MGRN1: variants seen among roughly 807,000 people sequenced by gnomAD.
MGRN1 encodes mahogunin ring finger 1.
A neutral mutation model predicts 69.2 loss-of-function variants in MGRN1; 29 were observed. That is an observed-to-expected ratio of 0.42 (90% CI 0.31 to 0.57). The LOEUF is 0.57. Ranked by LOEUF, MGRN1 falls within the 20% of genes least tolerant of loss-of-function variation. The probability of loss-of-function intolerance (pLI) is 0.15; values close to 1 mark genes in which losing one functional copy is unlikely to be tolerated. For missense variants in MGRN1, 998 were observed against 796.2 expected (o/e 1.25, Z -3.05); for synonymous variants, 470 against 344.2 (o/e 1.37, Z -4.04).
intron 8 of MGRN1, among the ~76,000 whole-genome samples, chr16:4,670,299 G>C (rs1050784789): frequency 6.6e-6 from 1 of 152,220 alleles, no homozygotes; most frequent in African/African-American, 2.4e-5. Flanking sequence ...CTGGAGTGCA[G>C]TGGCATGATC....
chr16:4,663,178 C>T (rs945932223), intron 5 of MGRN1, among the ~76,000 whole-genome samples: 1 of 152,124 alleles, frequency 6.6e-6, no homozygotes, highest in Non-Finnish European at 1.5e-5. Flanking sequence ...ATTCTCCTAC[C>T]TCAGCCTCCC....
chr16:4,644,641 A>G (rs919709637), intron 1 of MGRN1, among the ~76,000 whole-genome samples: 14 of 152,216 alleles, frequency 9.2e-5, no homozygotes, highest in African/African-American at 3.4e-4. Context: ...CCTTGATAAC[A>G]TCAATTAGAT....
intron 16 of MGRN1, among the ~76,000 whole-genome samples, chr16:4,685,104 C>G (rs2079278908): frequency 6.6e-6 from 1 of 152,268 alleles, no homozygotes; most frequent in South Asian, 2.1e-4. Context: ...CCGAACAACT[C>G]ACAGCAGAAG....
chr16:4,630,079 CA>C (rs1452032681), intron 1 of MGRN1, among the ~76,000 whole-genome samples: 2 of 140,602 alleles, frequency 1.4e-5, no homozygotes, highest in Non-Finnish European at 3.0e-5. Context: ...AGCGCAGGTG[CA>C]GTGGCTCGCG....
intron 5 of MGRN1, among the ~76,000 whole-genome samples, chr16:4,662,204 C>A (rs1439079985): frequency 6.6e-6 from 1 of 152,046 alleles, no homozygotes; most frequent in Non-Finnish European, 1.5e-5. Context: ...GAAACATTTC[C>A]CTCGGTTCCT....
At chr16:4,688,621 G>C in intron 16 of MGRN1, 175 bp from the exon 17 acceptor site, 1 of 1,397,166 alleles carries the variant, frequency 7.2e-7, no homozygotes, top group Non-Finnish European at 9.4e-7. Context: ...GGCACAGTTA[G>C]GGAGTCCCCG....
At chr16:4,629,494 A>G (rs1288325589) in intron 1 of MGRN1, among the ~76,000 whole-genome samples, 10 of 152,120 alleles carry the variant, frequency 6.6e-5, no homozygotes, top group African/African-American at 2.4e-4. Flanking sequence ...TAATCCCAGC[A>G]CTTTGGGAGG....
chr16:4,652,164 C>A, intron 3 of MGRN1, 113 bp downstream of exon 3: 1 of 964,276 alleles, frequency 1.0e-6, no homozygotes, highest in Non-Finnish European at 1.6e-6. Flanking sequence ...CCAGTTTCTG[C>A]GCCCTCCCGT....
chr16:4,625,376 C>T (rs1237606039), intron 1 of MGRN1, among the ~76,000 whole-genome samples: 2 of 152,220 alleles, frequency 1.3e-5, no homozygotes, highest in Non-Finnish European at 2.9e-5. Context: ...GTGCTGAGCG[C>T]GGGTCCCGGC....
chr16:4,686,365 T>A lies in MGRN1; in HGVS notation c.1619-2431T>A, dbSNP rs540931966. On this transcript the variant is annotated intron_variant, in intron 16 of 16. Transcript: ENST00000262370. ...CGCGCGTCCTTGGAGAGAGGAGCCC[T>A]CCCCTGCTCTCTGGCGGGGGTTCCT... The A allele has an allele frequency of 8.6e-4, 1,305 of 1,522,366 alleles. 3 individuals carry two copies. The highest frequency in any genetic ancestry group is 1.1e-3 in the Non-Finnish European group (1,230 of 1,139,326). The allele number at this position is 1,522,366 out of a possible 1,614,324, so 94.3% of individuals were successfully genotyped here. A position where few individuals can be genotyped will look rare whatever the true frequency, so the allele number is the denominator to read the frequency against.
chr16:4,684,740 T>C (rs1336748112), intron 16 of MGRN1, among the ~76,000 whole-genome samples: 1 of 152,238 alleles, frequency 6.6e-6, no homozygotes, highest in African/African-American at 2.4e-5. Flanking sequence ...GCTCTCAGAC[T>C]AGTGTCTCAG....
chr16:4,657,337 G>A lies in MGRN1; in HGVS notation c.535G>A (p.Asp179Asn), dbSNP rs766441935. 4 of 1,613,992 alleles carry A rather than the reference G, an allele frequency of 2.5e-6. No individual in the cohort carries two copies. Among genetic ancestry groups the A allele is most frequent in the Non-Finnish European group, 3.4e-6 (4 of 1,179,956 alleles). Residue 179 changes from aspartate (D) to asparagine (N), a missense_variant, in exon 5 of 17, where the codon GAC (aspartate) becomes AAC (asparagine). Coordinates refer to ENST00000262370, the MANE Select transcript of MGRN1 (RefSeq NM_015246.4). The part of the protein sequence containing the change: ...QQFSLPSFKI[D>N]FSEWKDDELN... ...GTTCTCCCTGCCCTCCTTCAAGATT[G>A]ACTTCTCGGAATGGAAGGATGACGA...
At chr16:4,638,966 C>A (rs192122144) in intron 1 of MGRN1, among the ~76,000 whole-genome samples, 118 of 152,276 alleles carry the variant, frequency 7.7e-4, no homozygotes, top group African/African-American at 2.7e-3. Flanking sequence ...TGGCTTACTT[C>A]CCATGGCTGA....
At chr16:4,681,241 C>T in intron 12 of MGRN1, 1 of 411,930 alleles carries the variant, frequency 2.4e-6, no homozygotes, top group Non-Finnish European at 4.4e-6. Flanking sequence ...CACTCTCCAC[C>T]TGGGGCCAGG....
In MGRN1 at chr16:4,681,302, C is replaced by T. The variant is rs563610940; in HGVS notation, c.1132-248C>T. On this transcript the variant is annotated intron_variant, in intron 12 of 16. Transcript: ENST00000262370. Reference sequence around the variant, plus strand: ...GGTTGAGGCCAGGGCTGGGGCGGTTCTTGGCAGATGCCCTCGTGCCCGTCA... The same window carrying T: ...GGTTGAGGCCAGGGCTGGGGCGGTTTTTGGCAGATGCCCTCGTGCCCGTCA... 1.1e-5 allele frequency: 6 copies of T among 535,636 alleles called. No individual in the cohort carries two copies. The South Asian group carries it at 1.3e-4, about 11-fold the overall frequency. The allele number at this position is 535,636 out of a possible 1,614,324, so 33.2% of individuals were successfully genotyped here.
At chr16:4,676,463 T>G (rs556485043) in intron 10 of MGRN1, among the ~76,000 whole-genome samples, 27 of 151,600 alleles carry the variant, frequency 1.8e-4, no homozygotes, top group African/African-American at 6.6e-4. Flanking sequence ...GTGTGTGGGG[T>G]CAGTGGGTCG....
In MGRN1 at chr16:4,650,344, CGT is replaced by C; in HGVS notation, c.89-18_89-17del. 6.8e-7 allele frequency: 1 copy of C among 1,479,352 alleles called. No homozygotes were observed. Among genetic ancestry groups the C allele is most frequent in the Non-Finnish European group, 9.3e-7 (1 of 1,074,648 alleles). The allele number at this position is 1,479,352 out of a possible 1,614,324, so 91.6% of individuals were successfully genotyped here. ...AAAAAAAAAAAAAAAAATCTATAAT[CGT>C]GTTTCCTTTTTTAAACAGGAAACTA... is the stretch of plus-strand genomic sequence containing the variant. On this transcript the variant is annotated intron_variant, in intron 1 of 16. Coordinates refer to ENST00000262370, the MANE Select transcript of MGRN1 (RefSeq NM_015246.4).
chr16:4,670,392 G>A (rs989892734), intron 8 of MGRN1, among the ~76,000 whole-genome samples: 4 of 152,180 alleles, frequency 2.6e-5, no homozygotes, highest in Non-Finnish European at 4.4e-5. Context: ...ACAGGCACGC[G>A]CCACCATGCC....
At chr16:4,637,676 C>T (rs1321250632) in intron 1 of MGRN1, among the ~76,000 whole-genome samples, 2 of 152,216 alleles carry the variant, frequency 1.3e-5, no homozygotes, top group East Asian at 1.9e-4. Flanking sequence ...CCAGCCTCAG[C>T]GCCATCCTGC....
Sources: gnomAD v4.1 joint callset for allele counts (sites outside exome capture counted in the v4.1 genomes callset) on GRCh38, gnomAD v4.1.1 for gene constraint, MANE v1.5 for transcripts, NCBI Gene and HGNC (gene_info 2026-07-23, HGNC 2026-07-21) for gene names.